GFRAL: variants seen among roughly 807,000 people sequenced by gnomAD.
GFRAL encodes the protein GDNF family receptor alpha like.
GFRAL carries 36 observed loss-of-function variants against 45.4 expected under a neutral mutation model. The ratio of observed to expected loss-of-function variants is 0.79; its 90% CI spans 0.61 to 1.05. The LOEUF (loss-of-function observed/expected upper bound fraction) is 1.05, where lower values mean the gene tolerates loss of function less well. Ranked by LOEUF, GFRAL falls within the 50% of genes least tolerant of loss-of-function variation. GFRAL has a pLI of 0.00. For synonymous variants in GFRAL, 166 were observed against 154.1 expected (o/e 1.08, Z -0.57); for missense variants, 507 against 467.5 (o/e 1.08, Z -0.78).
At chr6:55,353,468 A>C (rs1318846469) in intron 5 of GFRAL, among the ~76,000 whole-genome samples, 1 of 152,038 alleles carries the variant, frequency 6.6e-6, no homozygotes, top group East Asian at 1.9e-4. Flanking sequence ...GCATTGACAT[A>C]TTTCGTCAAC....
chr6:55,335,890 T>A (rs1767883424), intron 3 of GFRAL, among the ~76,000 whole-genome samples: 1 of 145,348 alleles, frequency 6.9e-6, no homozygotes, highest in Non-Finnish European at 1.5e-5. Context: ...ATTCTATTTC[T>A]TTGTCTTTAT....
At chr6:55,349,072 G>A (rs1768082333) in intron 3 of GFRAL, among the ~76,000 whole-genome samples, 1 of 151,940 alleles carries the variant, frequency 6.6e-6, no homozygotes, top group East Asian at 1.9e-4. Context: ...GATGATGGGT[G>A]GGATCAAGAA....
chr6:55,327,642 C>A, intron 1 of GFRAL, 66 bp downstream of exon 1: 1 of 1,440,224 alleles, frequency 6.9e-7, no homozygotes, highest in Non-Finnish European at 9.7e-7. Flanking sequence ...AAACTGAATA[C>A]CATCACACTT....
chr6:55,351,636 T>C (rs1768119722), intron 5 of GFRAL, 53 bp downstream of exon 5: 3 of 1,324,438 alleles, frequency 2.3e-6, no homozygotes, highest in Admixed American at 1.9e-5. Context: ...TTATTTGTTA[T>C]AGTCCAGTCC....
At chr6:55,364,194 A>T (rs906356840) in intron 6 of GFRAL, among the ~76,000 whole-genome samples, 1 of 151,072 alleles carries the variant, frequency 6.6e-6, no homozygotes, top group East Asian at 1.9e-4. Flanking sequence ...GCCAGTGATG[A>T]TGAGCATTTT....
At chr6:55,338,516 T>C (rs1034934651) in intron 3 of GFRAL, among the ~76,000 whole-genome samples, 1 of 152,172 alleles carries the variant, frequency 6.6e-6, no homozygotes, top group Admixed American at 6.5e-5. Context: ...TTAATTAAAA[T>C]AATAATTGCC....
chr6:55,334,204 A>G (rs1447766628), intron 3 of GFRAL, among the ~76,000 whole-genome samples: 2 of 152,128 alleles, frequency 1.3e-5, no homozygotes, highest in African/African-American at 4.8e-5. Context: ...TACTTCTTTC[A>G]TTACTAACCA....
At chr6:55,375,432 G>T (rs955780263) in intron 6 of GFRAL, among the ~76,000 whole-genome samples, 1 of 151,962 alleles carries the variant, frequency 6.6e-6, no homozygotes, top group Admixed American at 6.6e-5. Context: ...CTTGTCTGTT[G>T]TTTGTGTATA....
intron 6 of GFRAL, among the ~76,000 whole-genome samples, chr6:55,373,726 T>G (rs529526432): frequency 6.6e-6 from 1 of 151,014 alleles, no homozygotes; most frequent in Admixed American, 6.6e-5. Flanking sequence ...TGACTGGAGA[T>G]ATTTTCCTTT....
chr6:55,330,605 C>T (rs560736968), intron 1 of GFRAL, among the ~76,000 whole-genome samples: 1 of 152,190 alleles, frequency 6.6e-6, no homozygotes, highest in East Asian at 1.9e-4. Flanking sequence ...AGGGATCAGA[C>T]AGTAGGTATG....
rs755596433 is a variant in GFRAL, at chr6:55,359,026, A to G, written c.840A>G (p.Ile280Met). Residue 280 changes from isoleucine to methionine, a missense_variant, in exon 6 of 9, where the codon ATA becomes ATG. Ile to Met is a conservative substitution (Grantham distance 10, BLOSUM62 1). Transcript: ENST00000340465. Reference sequence around the variant, plus strand: ...GTGATGACTGCAAAGCTGCTTACATAGATATCCTTGGGACGGTCCTTCAAG... The same window carrying G: ...GTGATGACTGCAAAGCTGCTTACATGGATATCCTTGGGACGGTCCTTCAAG... Reference protein sequence around the residue: ...SGSDDCKAAYIDILGTVLQVQ... With the variant: ...SGSDDCKAAYMDILGTVLQVQ... The G allele has an allele frequency of 2.1e-5, 34 of 1,613,106 alleles. 1 individual carries two copies. In the South Asian group the frequency reaches 3.6e-4, roughly 17 times the overall value.
intron 5 of GFRAL, among the ~76,000 whole-genome samples, chr6:55,358,034 A>C (rs531186752): frequency 2.6e-5 from 4 of 151,814 alleles, no homozygotes; most frequent in African/African-American, 7.3e-5. Context: ...TTTAATATAC[A>C]TGAATTAATC....
intron 6 of GFRAL, among the ~76,000 whole-genome samples, chr6:55,398,017 T>C (rs932911765): frequency 6.6e-6 from 1 of 152,194 alleles, no homozygotes; most frequent in Non-Finnish European, 1.5e-5. Flanking sequence ...ACAAAGGCTA[T>C]ATTATATAGC....
At chr6:55,349,177 G>A (rs188733721) in intron 3 of GFRAL, among the ~76,000 whole-genome samples, 496 of 152,044 alleles carry the variant, frequency 3.3e-3, no homozygotes, top group African/African-American at 0.011. Context: ...AGTCTGGAAG[G>A]CCATGACACA....
At chr6:55,348,031 G>GATGTATGGA (rs1400297957) in intron 3 of GFRAL, among the ~76,000 whole-genome samples, 4 of 152,072 alleles carry the variant, frequency 2.6e-5, no homozygotes, top group African/African-American at 9.7e-5. Context: ...AGAAAAAGAA[G>GATGTATGGA]ATGTATGGAA....
In GFRAL at chr6:55,335,729, T is replaced by G. The variant is rs775421041; in HGVS notation, c.316+1785T>G. On this transcript the variant is annotated intron_variant, in intron 3 of 8. Coordinates refer to ENST00000340465, the MANE Select transcript of GFRAL (RefSeq NM_207410.2). ...TCTCAAAAGTCATTTGGCCATATGT[T>G]GGTGGCTCTATTTCTAGACTTTCTA... 2.6e-5 allele frequency among the ~76,000 whole-genome samples: 4 copies of G among 152,154 alleles called. No individual in the cohort carries two copies. The South Asian group carries it at 6.2e-4, about 24-fold the overall frequency.
At chr6:55,384,001 C>A (rs1209993316) in intron 6 of GFRAL, among the ~76,000 whole-genome samples, 5 of 152,014 alleles carry the variant, frequency 3.3e-5, no homozygotes, top group African/African-American at 1.2e-4. Flanking sequence ...GAGATACCAT[C>A]CCGATGTTTT....
intron 6 of GFRAL, among the ~76,000 whole-genome samples, chr6:55,396,692 T>A (rs1041984320): frequency 1.3e-5 from 2 of 152,068 alleles, no homozygotes; most frequent in Non-Finnish European, 2.9e-5. Context: ...TTAAAATTAA[T>A]TTTTTTCAAG....
At chr6:55,368,784 A>G (rs542480485) in intron 6 of GFRAL, among the ~76,000 whole-genome samples, 1 of 152,176 alleles carries the variant, frequency 6.6e-6, no homozygotes, top group Non-Finnish European at 1.5e-5. Context: ...CCACCTGAGG[A>G]GGCAGTCTGC....
Sources: allele counts gnomAD v4.1 joint callset (sites outside exome capture counted in the v4.1 genomes callset), GRCh38; gene constraint gnomAD v4.1.1; transcripts MANE v1.5; gene names NCBI Gene and HGNC (gene_info 2026-07-23, HGNC 2026-07-21).